RBFOX1: variants seen among roughly 807,000 people sequenced by gnomAD.
RBFOX1 encodes RNA binding fox-1 homolog 1.
A neutral mutation model predicts 57.7 loss-of-function variants in RBFOX1; 8 were observed. That is an observed-to-expected ratio of 0.14 (90% CI 0.08 to 0.25). RBFOX1 has a LOEUF of 0.25. Among genes scored for constraint, RBFOX1 ranks in the 10% least tolerant of loss-of-function variants. The pLI is 1.00. For missense variants in RBFOX1, 611 were observed against 548.5 expected, an observed-to-expected ratio of 1.11 and a Z score of -1.14; for synonymous variants, 326 against 222.4, an observed-to-expected ratio of 1.47 and a Z score of -4.15.
intron 3 of RBFOX1, among the ~76,000 whole-genome samples, chr16:5,753,375 A>G (rs2053281349): frequency 1.3e-5 from 2 of 152,208 alleles, no homozygotes; most frequent in Non-Finnish European, 1.5e-5. Context: ...TTATTATTTT[A>G]CTGCTTATAC....
chr16:5,902,501 C>T lies in RBFOX1; in HGVS notation c.351+35166C>T, dbSNP rs548101750. 6.6e-5 allele frequency among the ~76,000 whole-genome samples: 10 copies of T among 152,222 alleles called. No homozygotes were observed. In the South Asian group the frequency reaches 1.0e-3, roughly 16 times the overall value. On this transcript the variant is annotated intron_variant, in intron 4 of 19. Coordinates refer to the RBFOX1 transcript ENST00000641259. ...CCATCTTGGCTTACTCTGCAGCCAC[C>T]GCCTCCCAGGTTCGAGTGATTCTCC... is the stretch of plus-strand genomic sequence containing the variant.
At chr16:6,479,257 C>T (rs1339700907) in intron 2 of RBFOX1, among the ~76,000 whole-genome samples, 2 of 152,022 alleles carry the variant, frequency 1.3e-5, no homozygotes, top group Admixed American at 6.5e-5. Flanking sequence ...TCAATTATGG[C>T]GGAAGAGGAA....
At chr16:6,466,999 C>A (rs929229006) in intron 2 of RBFOX1, among the ~76,000 whole-genome samples, 7 of 151,184 alleles carry the variant, frequency 4.6e-5, no homozygotes, top group Admixed American at 2.6e-4. Context: ...AAATTAATTA[C>A]ATTTAATGAA....
At chr16:7,048,068 G>T (rs954936052) in intron 3 of RBFOX1, among the ~76,000 whole-genome samples, 11 of 151,886 alleles carry the variant, frequency 7.2e-5, no homozygotes, top group African/African-American at 2.7e-4. Flanking sequence ...TAGTAGAGAA[G>T]GGGTTTCACC....
At chr16:6,216,167 A>G (rs1011949922) in intron 1 of RBFOX1, among the ~76,000 whole-genome samples, 4 of 152,158 alleles carry the variant, frequency 2.6e-5, no homozygotes, top group African/African-American at 4.8e-5. Flanking sequence ...ATCATGAAAA[A>G]TAACTAATGG....
intron 3 of RBFOX1, among the ~76,000 whole-genome samples, chr16:6,703,324 A>G (rs1420801337): frequency 6.6e-6 from 1 of 152,134 alleles, no homozygotes; most frequent in African/African-American, 2.4e-5. Flanking sequence ...CCTGTGATCC[A>G]GCACTTAGGG....
intron 3 of RBFOX1, among the ~76,000 whole-genome samples, chr16:6,679,263 A>T (rs1185537091): frequency 2.6e-5 from 4 of 152,128 alleles, no homozygotes; most frequent in African/African-American, 9.7e-5. Flanking sequence ...ACACGTAAAA[A>T]AGTGAGCTTA....
intron 2 of RBFOX1, among the ~76,000 whole-genome samples, chr16:6,513,117 T>A (rs953930623): frequency 2.6e-5 from 4 of 152,222 alleles, no homozygotes; most frequent in Non-Finnish European, 5.9e-5. Flanking sequence ...ATCCCAGCTC[T>A]ACCACCCATT....
In RBFOX1 at chr16:6,019,932, C is replaced by T. The variant is rs1412656850; in HGVS notation, c.-187C>T. On this transcript the variant is annotated 5_prime_UTR_variant, in exon 1 of 16. In the 5' UTR this introduces an upstream ATG that the reference lacks. Transcript: ENST00000550418. This position sits in a 1 kb window ranked among gnomAD's most constrained non-coding sequence, Gnocchi z 4.2. ...TGTGGCTGGGGGTGCAGAGAGCGCA[C>T]GGGAATTCGGGGGTCTGGGGCCGAG... The T allele has an allele frequency of 1.3e-6, 2 of 1,534,330 alleles. No individual in the cohort carries two copies. Among genetic ancestry groups the T allele is most frequent in the Non-Finnish European group, 8.7e-7 (1 of 1,146,196 alleles).
intron 2 of RBFOX1, among the ~76,000 whole-genome samples, chr16:5,569,949 C>G (rs1296780142): frequency 2.0e-5 from 3 of 152,140 alleles, no homozygotes; most frequent in Non-Finnish European, 4.4e-5. Context: ...AGATTAAAAA[C>G]CCATAATGAT....
intron 3 of RBFOX1, among the ~76,000 whole-genome samples, chr16:6,890,875 G>T (rs926445929): frequency 1.3e-5 from 2 of 152,200 alleles, no homozygotes; most frequent in African/African-American, 4.8e-5. Flanking sequence ...CTAAATAAAA[G>T]GGATGAAGTC....
intron 4 of RBFOX1, among the ~76,000 whole-genome samples, chr16:7,507,783 T>G (rs935181762): frequency 6.6e-6 from 1 of 152,022 alleles, no homozygotes; most frequent in Admixed American, 6.5e-5. Context: ...CAGGACGGTC[T>G]CGATGTCCTG....
intron 1 of RBFOX1, among the ~76,000 whole-genome samples, chr16:5,350,082 A>T (rs2065229937): frequency 6.6e-6 from 1 of 152,210 alleles, no homozygotes; most frequent in Admixed American, 6.5e-5. Context: ...CCTGGGGTAG[A>T]AGTGGGATCT....
chr16:7,358,122 A>T (rs990858699), intron 4 of RBFOX1, among the ~76,000 whole-genome samples: 1 of 152,184 alleles, frequency 6.6e-6, no homozygotes, highest in African/African-American at 2.4e-5. Flanking sequence ...TTACTGATTA[A>T]CTTTCATAAC....
intron 3 of RBFOX1, among the ~76,000 whole-genome samples, chr16:6,990,046 T>C (rs576702678): frequency 6.6e-6 from 1 of 152,214 alleles, no homozygotes; most frequent in Admixed American, 6.5e-5. Context: ...TGAAATATGA[T>C]TTAGCTCCCC....
chr16:5,586,945 G>T (rs918748174), intron 2 of RBFOX1, among the ~76,000 whole-genome samples: 7 of 152,180 alleles, frequency 4.6e-5, no homozygotes, highest in Non-Finnish European at 1.0e-4. Flanking sequence ...AATGTTACTG[G>T]CTGAATTGTG....
At chr16:6,210,345 C>CAAAAAAAAAAAAAAAA (rs770814967) in intron 1 of RBFOX1, among the ~76,000 whole-genome samples, 2 of 26,006 alleles carry the variant, frequency 7.7e-5, no homozygotes, top group Non-Finnish European at 1.3e-4. Context: ...AACAAAAAAA[C>CAAAAAAAAAAAAAAAA]AAAAAAAAAA....
chr16:5,786,565 G>A (rs116716829), intron 3 of RBFOX1, among the ~76,000 whole-genome samples: 1,742 of 152,250 alleles, frequency 0.011, 33 homozygotes, highest in African/African-American at 0.04. Flanking sequence ...AACAGAGCTT[G>A]CTCTGTGGAT....
intron 3 of RBFOX1, among the ~76,000 whole-genome samples, chr16:5,817,568 C>G (rs74004621): frequency 6.6e-6 from 1 of 151,874 alleles, no homozygotes; most frequent in Admixed American, 6.6e-5. Context: ...TGGCATGACA[C>G]CAAGACCCTT....
Sources: gnomAD v4.1 joint callset for allele counts (sites outside exome capture counted in the v4.1 genomes callset) on GRCh38, gnomAD v4.1.1 for gene constraint, Gnocchi (gnomAD v3.1) non-coding constraint, MANE v1.5 for transcripts, NCBI Gene and HGNC (gene_info 2026-07-23, HGNC 2026-07-21) for gene names.